SCNN1G: variants seen among roughly 807,000 people sequenced by gnomAD.
SCNN1G encodes the protein sodium channel epithelial 1 subunit gamma, also known as epithelial sodium channel subunit gamma.
SCNN1G carries 27 observed loss-of-function variants against 64.6 expected under a neutral mutation model. The observed-to-expected ratio is 0.42, with a 90% confidence interval of 0.31 to 0.58. The LOEUF is 0.58. Among genes scored for constraint, SCNN1G ranks in the 20% least tolerant of loss-of-function variants. SCNN1G has a pLI of 0.18. For missense variants in SCNN1G, 743 were observed against 823.4 expected, an observed-to-expected ratio of 0.90 and a Z score of 1.19; for synonymous variants, 330 against 314.2, an observed-to-expected ratio of 1.05 and a Z score of -0.53.
rs1960154256 is a variant in SCNN1G at position 23,215,998 on chromosome 16, A to G, written c.*529A>G. 1.0e-5 allele frequency: 2 copies of G among 198,190 alleles called. No homozygotes were observed. The highest frequency in any genetic ancestry group is 2.0e-4 in the South Asian group (2 of 10,198). The allele number at this position is 198,190 out of a possible 1,614,324, so 12.3% of individuals were successfully genotyped here. A position where few individuals can be genotyped will look rare whatever the true frequency, so the allele number is the denominator to read the frequency against. On this transcript the variant is annotated 3_prime_UTR_variant, in exon 13 of 13. Coordinates refer to ENST00000300061, the MANE Select transcript of SCNN1G (RefSeq NM_001039.4). ...CTGTTCTTCATCATTGACACTGGAG[A>G]AAGGTGTCCTCCATGCCCTCAGGCA...
intron 6 of SCNN1G, among the ~76,000 whole-genome samples, chr16:23,204,334 T>TATAGAGAGAG (rs1567267153): frequency 6.6e-5 from 1 of 15,176 alleles, no homozygotes; most frequent in Non-Finnish European, 1.1e-4. Context: ...TATATATATA[T>TATAGAGAGAG]AGAGAGAGAG....
Position 23,215,361 on chromosome 16 carries a change from C to A in SCNN1G, c.1842C>A (p.Ala614=), listed in dbSNP as rs1960143776. ...TFNSALHLPP[A]LGTQVPGTPP... ...ACTCTGCTTTGCACCTGCCTCCAGCCCTAGGAACCCAAGTGCCCGGCACAC... is the reference window on the plus strand; with the variant it reads ...ACTCTGCTTTGCACCTGCCTCCAGCACTAGGAACCCAAGTGCCCGGCACAC... Residue 614 remains alanine, a synonymous_variant, in exon 13 of 13, where the codon GCC becomes GCA. Coordinates refer to ENST00000300061, the MANE Select transcript of SCNN1G (RefSeq NM_001039.4). The A allele has an allele frequency of 6.2e-7, 1 of 1,614,168 alleles. No homozygotes were observed. The highest frequency in any genetic ancestry group is 8.5e-7 in the Non-Finnish European group (1 of 1,180,038).
chr16:23,206,472 G>A (rs556047851), intron 6 of SCNN1G, among the ~76,000 whole-genome samples: 1 of 152,286 alleles, frequency 6.6e-6, no homozygotes, highest in East Asian at 1.9e-4. Context: ...TGAGCTTGCT[G>A]GGTGCAGCGC....
intron 1 of SCNN1G, among the ~76,000 whole-genome samples, chr16:23,184,602 G>T (rs974564444): frequency 5.3e-5 from 8 of 152,042 alleles, no homozygotes; most frequent in African/African-American, 1.2e-4. Flanking sequence ...AGAGCAGTTT[G>T]TCTGCTCTGG....
chr16:23,207,886 C>T (rs1005761868), intron 6 of SCNN1G, among the ~76,000 whole-genome samples: 7 of 152,094 alleles, frequency 4.6e-5, no homozygotes, highest in East Asian at 3.9e-4. Flanking sequence ...CCCCTCTACC[C>T]GTTTTCATTC....
intron 6 of SCNN1G, among the ~76,000 whole-genome samples, chr16:23,207,370 G>T (rs543488146): frequency 1.3e-5 from 2 of 152,216 alleles, no homozygotes; most frequent in Non-Finnish European, 2.9e-5. Context: ...CCAAAGGAAC[G>T]CTTCTGCCCA....
At chr16:23,200,741 G>T (rs1321250534) in intron 6 of SCNN1G, among the ~76,000 whole-genome samples, 1 of 152,212 alleles carries the variant, frequency 6.6e-6, no homozygotes, top group East Asian at 1.9e-4. Flanking sequence ...TGCATATTAT[G>T]ACACGACTGA....
chr16:23,213,255 T>A, intron 11 of SCNN1G, 92 bp downstream of exon 11: 1 of 726,838 alleles, frequency 1.4e-6, no homozygotes, highest in Non-Finnish European at 2.3e-6. Context: ...AAATCCTCTT[T>A]TTTTTTTTTT....
chr16:23,215,205 C>T lies in SCNN1G; in HGVS notation c.1686C>T (p.Ala562=), dbSNP rs1482127560. Reference sequence around the variant, plus strand: ...TCATTGACTTCTTCTCTATCATTGCCCGCCGCCAGTGGCAGAAAGCCAAGG... The same window carrying T: ...TCATTGACTTCTTCTCTATCATTGCTCGCCGCCAGTGGCAGAAAGCCAAGG... ...VFFIDFFSII[A]RRQWQKAKEW... Residue 562 remains alanine, a synonymous_variant, in exon 13 of 13, where the codon GCC becomes GCT. Transcript: ENST00000300061. 4 of 1,614,140 alleles carry T rather than the reference C, an allele frequency of 2.5e-6. No homozygotes were observed. The highest frequency in any genetic ancestry group is 2.7e-5 in the African/African-American group (2 of 75,030).
intron 4 of SCNN1G, among the ~76,000 whole-genome samples, chr16:23,193,461 T>C (rs1334078624): frequency 6.6e-6 from 1 of 151,954 alleles, no homozygotes; most frequent in Non-Finnish European, 1.5e-5. Context: ...GCCTGGGCAA[T>C]GTGGCAAAAC....
chr16:23,188,204 T>C (rs1392266410), intron 2 of SCNN1G, among the ~76,000 whole-genome samples: 2 of 152,178 alleles, frequency 1.3e-5, no homozygotes, highest in African/African-American at 2.4e-5. Context: ...TTAATAAATA[T>C]AATAACACTA....
chr16:23,185,413 C>A (rs1286045634), intron 1 of SCNN1G, among the ~76,000 whole-genome samples: 1 of 152,110 alleles, frequency 6.6e-6, no homozygotes, highest in East Asian at 1.9e-4. Flanking sequence ...TGAGATGCAT[C>A]GTGCACATTG....
intron 6 of SCNN1G, among the ~76,000 whole-genome samples, chr16:23,208,879 T>G (rs890900182): frequency 1.3e-5 from 2 of 151,844 alleles, no homozygotes; most frequent in Non-Finnish European, 2.9e-5. Flanking sequence ...TGGGATTACA[T>G]GCATGAGCCA....
chr16:23,191,961 G>A (rs773531401), intron 3 of SCNN1G, among the ~76,000 whole-genome samples: 5 of 152,170 alleles, frequency 3.3e-5, no homozygotes, highest in Admixed American at 6.5e-5. Flanking sequence ...TCCCCCTCCT[G>A]CAGAGTCTGG....
At position 23,214,694 on chromosome 16, in the gene SCNN1G, C is replaced by T. The variant is rs368841559; in HGVS notation, c.1494-18C>T. 2.2e-4 allele frequency: 360 copies of T among 1,601,858 alleles called. No individual in the cohort carries two copies. Among genetic ancestry groups the T allele is most frequent in the Non-Finnish European group, 2.8e-4 (333 of 1,168,964 alleles). ...GTAGGATGCCAAGGCTCTTGATTCA[C>T]CTGTTGGAATTTTGCAGGACAGACT... is the stretch of plus-strand genomic sequence containing the variant. On this transcript the variant is annotated intron_variant, in intron 11 of 12. Transcript: ENST00000300061.
Position 23,209,754 on chromosome 16 carries a change from A to C in SCNN1G, c.1082A>C (p.Glu361Ala). 1 of 1,612,728 alleles carries C rather than the reference A, an allele frequency of 6.2e-7. No homozygotes were observed. Among genetic ancestry groups the C allele is most frequent in the Non-Finnish European group, 8.5e-7 (1 of 1,178,672 alleles). ...MVTSIGMHLTESFKLSEPYSQ... is the reference protein window; with the variant it reads ...MVTSIGMHLTASFKLSEPYSQ... ...TGTGTGCTGCTGTGATTGCAGACAG[A>C]GTCCTTCAAGCTGAGTGAGCCCTAC... is the stretch of plus-strand genomic sequence containing the variant. The change falls in exon 7 of 13, where the codon GAG (glutamate) becomes GCG (alanine). Residue 361 changes from glutamate (E) to alanine (A), a missense_variant. By Grantham distance (107) the Glu-to-Ala change is moderately radical. Transcript: ENST00000300061.
At chr16:23,186,668 C>T (rs1959612413) in intron 2 of SCNN1G, 80 bp downstream of exon 2, 2 of 1,242,636 alleles carry the variant, frequency 1.6e-6, no homozygotes, top group Non-Finnish European at 2.3e-6. Context: ...AAGTGACACA[C>T]TGGCAGCCTG....
Position 23,215,324 on chromosome 16 carries a change from T to A in SCNN1G, c.1805T>A (p.Leu602Gln), listed in dbSNP as rs1567270237. The change falls in exon 13 of 13, where the codon CTA becomes CAA. Residue 602 changes from leucine (L) to glutamine (Q), a missense_variant. Transcript: ENST00000300061. ...DNPALDIDDD[L>Q]PTFNSALHLP... Reference sequence around the variant, plus strand: ...CCAGCCCTGGATATAGACGATGACCTACCCACTTTCAACTCTGCTTTGCAC... The same window carrying A: ...CCAGCCCTGGATATAGACGATGACCAACCCACTTTCAACTCTGCTTTGCAC... 1 of 1,614,026 alleles carries A rather than the reference T, an allele frequency of 6.2e-7. No homozygotes were observed. The highest frequency in any genetic ancestry group is 8.5e-7 in the Non-Finnish European group (1 of 1,180,024).
intron 2 of SCNN1G, among the ~76,000 whole-genome samples, chr16:23,187,055 G>A (rs1015684633): frequency 2.0e-5 from 3 of 151,102 alleles, no homozygotes; most frequent in Admixed American, 6.6e-5. Flanking sequence ...ACCCGCCTTG[G>A]CCTCCCAAAG....
Sources: gnomAD v4.1 joint callset for allele counts (sites outside exome capture counted in the v4.1 genomes callset) on GRCh38, gnomAD v4.1.1 for gene constraint, MANE v1.5 for transcripts, NCBI Gene and HGNC (gene_info 2026-07-23, HGNC 2026-07-21) for gene names.